Variants in HERC2 observed in about 807,000 individuals in gnomAD.
The protein encoded by HERC2 is E3 ubiquitin-protein ligase HERC2.
HERC2 carries 102 observed loss-of-function variants against 537.7 expected under a neutral mutation model. The observed-to-expected ratio is 0.19, with a 90% CI of 0.16 to 0.22. The LOEUF (loss-of-function observed/expected upper bound fraction) is 0.22, where lower values mean the gene tolerates loss of function less well. Ranked by LOEUF, HERC2 falls within the 10% of genes least tolerant of loss-of-function variation. HERC2 has a pLI of 1.00. For missense variants in HERC2, 4,236 were observed against 6,198.2 expected (o/e 0.68, Z 10.63); for synonymous variants, 2,224 against 2,466.2 (o/e 0.90, Z 2.91).
At chr15:28,246,187 T>TA in intron 22 of HERC2, 121 bp from the exon 23 acceptor site, 1 of 643,972 alleles carries the variant, frequency 1.6e-6, no homozygotes, top group Non-Finnish European at 2.6e-6. Flanking sequence ...CTTTAGCATA[T>TA]TTCTAAAGAA....
At chr15:28,286,337 TA>T (rs2076158550) in intron 4 of HERC2, among the ~76,000 whole-genome samples, 1 of 152,014 alleles carries the variant, frequency 6.6e-6, no homozygotes. Flanking sequence ...TACAGAACAA[TA>T]TATATACAGA....
chr15:28,293,155 A>C, intron 3 of HERC2, 133 bp from the exon 4 acceptor site: 1 of 748,774 alleles, frequency 1.3e-6, no homozygotes, highest in Non-Finnish European at 2.2e-6. Flanking sequence ...AAAATAAAAT[A>C]CATCAATCAT....
chr15:28,192,260 T>G (rs1896923161), intron 52 of HERC2, 109 bp from the exon 53 acceptor site: 2 of 977,018 alleles, frequency 2.0e-6, no homozygotes, highest in Admixed American at 2.7e-5. Flanking sequence ...ATAGAAAGTT[T>G]CAAACTGAAA....
At chr15:28,178,746 T>G (rs910249582) in intron 59 of HERC2, 141 bp downstream of exon 59, 34 of 937,232 alleles carry the variant, frequency 3.6e-5, no homozygotes, top group African/African-American at 6.8e-5. Context: ...CTAGACCACC[T>G]AGAGATTTAC....
At chr15:28,300,731 A>G (rs1246402654) in intron 2 of HERC2, among the ~76,000 whole-genome samples, 1 of 135,768 alleles carries the variant, frequency 7.4e-6, no homozygotes, top group African/African-American at 2.9e-5. Flanking sequence ...GCTGAAGCAG[A>G]AGACTAGCAT....
At chr15:28,145,916 G>C (rs987865101) in intron 71 of HERC2, among the ~76,000 whole-genome samples, 2 of 152,156 alleles carry the variant, frequency 1.3e-5, no homozygotes, top group Non-Finnish European at 2.9e-5. Context: ...CAAACCTTTT[G>C]AAGAAGCTCT....
chr15:28,186,066 T>C (rs145801935), intron 56 of HERC2, among the ~76,000 whole-genome samples: 2 of 152,182 alleles, frequency 1.3e-5, no homozygotes, highest in African/African-American at 4.8e-5. Context: ...ACTAATCATA[T>C]GGAAATTCTA....
At chr15:28,187,167 G>A (rs1199696989) in intron 55 of HERC2, among the ~76,000 whole-genome samples, 2 of 152,182 alleles carry the variant, frequency 1.3e-5, no homozygotes, top group African/African-American at 4.8e-5. Flanking sequence ...ACACAAATCA[G>A]AACAAATAGT....
At chr15:28,297,477 TA>T (rs1215803924) in intron 3 of HERC2, among the ~76,000 whole-genome samples, 2 of 151,954 alleles carry the variant, frequency 1.3e-5, no homozygotes, top group Admixed American at 6.6e-5. Flanking sequence ...GATTTAATGT[TA>T]AAAAAACTTT....
At position 28,116,755 on chromosome 15, in the gene HERC2, C is replaced by A; in HGVS notation, c.13519G>T (p.Gly4507Trp). The change falls in exon 88 of 93, where the codon GGG becomes TGG. Residue 4507 changes from glycine to tryptophan, a missense_variant. Physicochemically the swap from Gly to Trp is radical, Grantham distance 184. This residue lies in a region of HERC2 where 313 missense variants were observed against 462.6 expected (regional missense o/e 0.68). Transcript: ENST00000261609. ...LTPLLIVTPN[G>W]RDESGANRDC... ...CGGTTGGCCCCAGACTCATCCCTCCCGTTGGGTGTCACGATCAGCAGGGGC... is the reference window on the plus strand; with the variant it reads ...CGGTTGGCCCCAGACTCATCCCTCCAGTTGGGTGTCACGATCAGCAGGGGC... 1 of 1,614,064 alleles carries A rather than the reference C, an allele frequency of 6.2e-7. No homozygotes were observed. Among genetic ancestry groups the A allele is most frequent in the Non-Finnish European group, 8.5e-7 (1 of 1,180,028 alleles).
chr15:28,281,668 C>T lies in HERC2; in HGVS notation c.323-1381G>A, dbSNP rs535934372. Among the ~76,000 whole-genome samples the T allele has an allele frequency of 3.9e-5, 6 of 152,306 alleles. No individual in the cohort carries two copies. The East Asian group carries it at 1.2e-3, about 29-fold the overall frequency. ...CAGCAGTAGGATGTGAGACCTGGAG[C>T]TTTGCAGCTAAGAGCTAATAGTTAT... On this transcript the variant is annotated intron_variant, in intron 4 of 92. Coordinates refer to ENST00000261609, the MANE Select transcript of HERC2 (RefSeq NM_004667.6).
intron 5 of HERC2, among the ~76,000 whole-genome samples, chr15:28,279,199 G>T (rs769429815): frequency 1.3e-5 from 2 of 151,944 alleles, no homozygotes; most frequent in African/African-American, 2.4e-5. Context: ...CTCCATGTTG[G>T]TCAGATCTCC....
chr15:28,156,109 T>C (rs2142375645), intron 69 of HERC2, among the ~76,000 whole-genome samples: 1 of 152,310 alleles, frequency 6.6e-6, no homozygotes, highest in South Asian at 2.1e-4. Flanking sequence ...TCTGTTCTGT[T>C]CCATTGGTCT....
chr15:28,140,051 G>C (rs1431488628), intron 78 of HERC2, among the ~76,000 whole-genome samples: 1 of 151,110 alleles, frequency 6.6e-6, no homozygotes, highest in African/African-American at 2.4e-5. Flanking sequence ...CTGGGCGACA[G>C]AGTGAGACTC....
chr15:28,279,362 T>G (rs143523248), intron 5 of HERC2, among the ~76,000 whole-genome samples: 2 of 152,096 alleles, frequency 1.3e-5, no homozygotes, highest in African/African-American at 4.8e-5. Context: ...TCTAAACTAG[T>G]TGGGCATTAA....
chr15:28,148,495 A>G (rs1892002788), intron 70 of HERC2, among the ~76,000 whole-genome samples: 1 of 152,252 alleles, frequency 6.6e-6, no homozygotes, highest in African/African-American at 2.4e-5. Flanking sequence ...AACACTGCAG[A>G]CTGTAATTCA....
chr15:28,217,431 T>A (rs1949465656), intron 38 of HERC2, among the ~76,000 whole-genome samples: 3 of 152,048 alleles, frequency 2.0e-5, no homozygotes, highest in African/African-American at 7.2e-5. Context: ...CTCACTCTCA[T>A]CAATATGTGC....
intron 78 of HERC2, among the ~76,000 whole-genome samples, chr15:28,139,344 C>T (rs765518500): frequency 3.9e-5 from 6 of 152,194 alleles, no homozygotes; most frequent in African/African-American, 7.2e-5. Flanking sequence ...CCCTTGCTCT[C>T]GCTGACAGAG....
At chr15:28,316,318 T>G (rs938258480) in intron 2 of HERC2, among the ~76,000 whole-genome samples, 2 of 151,880 alleles carry the variant, frequency 1.3e-5, no homozygotes, top group Non-Finnish European at 2.9e-5. Context: ...ACTAGTCTTT[T>G]CCAAGAACCA....
Sources: allele counts gnomAD v4.1 joint callset (sites outside exome capture counted in the v4.1 genomes callset), GRCh38; gene constraint gnomAD v4.1.1; regional missense constraint gnomAD v4.1.1; transcripts MANE v1.5; gene names NCBI Gene and HGNC (gene_info 2026-07-23, HGNC 2026-07-21).